Variants in GALC observed in about 807,000 individuals in gnomAD.
GALC encodes the protein galactosylceramidase.
A neutral mutation model predicts 91.8 loss-of-function variants in GALC; 77 were observed. The ratio of observed to expected loss-of-function variants is 0.84; its 90% CI spans 0.70 to 1.01. The LOEUF (loss-of-function observed/expected upper bound fraction) is 1.01, where lower values mean the gene tolerates loss of function less well. GALC is among the 50% of genes least tolerant of loss of function. GALC has a pLI of 0.00. For synonymous variants in GALC, 357 were observed against 306.7 expected, an observed-to-expected ratio of 1.16 and a Z score of -1.71; for missense variants, 882 against 855.9, an observed-to-expected ratio of 1.03 and a Z score of -0.38.
At chr14:87,961,182 T>C (rs902706336) in intron 10 of GALC, among the ~76,000 whole-genome samples, 1 of 152,148 alleles carries the variant, frequency 6.6e-6, no homozygotes, top group South Asian at 2.1e-4. Context: ...AAAGAAGATA[T>C]ACTACTAGCC....
At chr14:87,951,889 T>C (rs751396500) in intron 10 of GALC, among the ~76,000 whole-genome samples, 1 of 151,798 alleles carries the variant, frequency 6.6e-6, no homozygotes, top group Non-Finnish European at 1.5e-5. Context: ...AAGAAAGGAT[T>C]TGAGAGTTCA....
intron 6 of GALC, among the ~76,000 whole-genome samples, chr14:87,979,604 G>A (rs911345714): frequency 2.0e-5 from 3 of 152,060 alleles, no homozygotes; most frequent in African/African-American, 7.2e-5. Flanking sequence ...ATAAAATATA[G>A]CCCTGTCTTA....
intron 3 of GALC, chr14:87,987,610 GA>G (rs1887027980): frequency 6.4e-6 from 1 of 157,124 alleles, no homozygotes; most frequent in Non-Finnish European, 1.4e-5. Context: ...ATCATAGAGA[GA>G]ATTTCTTTTC....
rs370222749 is a variant in GALC, at chr14:87,984,507, G to T, written c.469C>A (p.Leu157Met). 11 of 1,613,962 alleles carry T rather than the reference G, an allele frequency of 6.8e-6. No individual in the cohort carries two copies. Among genetic ancestry groups the T allele is most frequent in the African/African-American group, 1.3e-5 (1 of 74,900 alleles). The change falls in exon 5 of 17, where the codon CTG (leucine) becomes ATG (methionine). Residue 157 changes from leucine to methionine, a missense_variant. Transcript: ENST00000261304. ...TAAGGCCAGTCGAAACCTTTTCCCA[G>T]CCATCCAGGGAATGACCATGGCAAC... ...IGLPWSFPGW[L>M]GKGFDWPYVN...
chr14:87,963,636 C>T (rs17760374), intron 9 of GALC, 125 bp from the exon 10 acceptor site: 18 of 789,112 alleles, frequency 2.3e-5, no homozygotes, highest in Non-Finnish European at 3.5e-5. Context: ...TTCTATTTTG[C>T]AGGAATATAT....
At chr14:87,954,175 C>T in intron 10 of GALC, 1 of 1,589,146 alleles carries the variant, frequency 6.3e-7, no homozygotes, top group Non-Finnish European at 8.6e-7. Flanking sequence ...CAGGTGTCCT[C>T]AAAACATTCC....
intron 16 of GALC, among the ~76,000 whole-genome samples, chr14:87,935,162 C>A (rs1884518303): frequency 6.6e-6 from 1 of 152,016 alleles, no homozygotes; most frequent in Admixed American, 6.6e-5. Context: ...AAATGCAAAA[C>A]TTTTCAGGCA....
chr14:87,957,969 A>G (rs1885628643), intron 10 of GALC, among the ~76,000 whole-genome samples: 1 of 152,188 alleles, frequency 6.6e-6, no homozygotes, highest in Non-Finnish European at 1.5e-5. Flanking sequence ...AATTCCTATC[A>G]AAATACCAAC....
intron 7 of GALC, among the ~76,000 whole-genome samples, chr14:87,972,057 G>A (rs1172471436): frequency 6.6e-6 from 1 of 152,148 alleles, no homozygotes; most frequent in Non-Finnish European, 1.5e-5. Context: ...GGGAGGAATA[G>A]TCTTCCTATG....
Position 87,934,348 on chromosome 14 carries a change from A to AT in GALC, c.*383dup. Reference sequence around the variant, plus strand: ...TCACTTGGACACACGGTCAGCATGCATAAATACATCTCAGTGATGATCAAG... The same window carrying AT: ...TCACTTGGACACACGGTCAGCATGCATTAAATACATCTCAGTGATGATCAAG... On this transcript the variant is annotated 3_prime_UTR_variant, in exon 17 of 17. Coordinates refer to ENST00000261304, the MANE Select transcript of GALC (RefSeq NM_000153.4). 7.9e-7 allele frequency: 1 copy of AT among 1,270,082 alleles called. No homozygotes were observed. The highest frequency in any genetic ancestry group is 1.0e-6 in the Non-Finnish European group (1 of 999,518). 78.7% of individuals were successfully genotyped at this position (1,270,082 alleles called of 1,614,324 possible).
At chr14:87,957,536 T>A (rs374391285) in intron 10 of GALC, among the ~76,000 whole-genome samples, 4 of 152,166 alleles carry the variant, frequency 2.6e-5, no homozygotes, top group East Asian at 3.8e-4. Context: ...CAAATTTATA[T>A]TTTTGAATGC....
rs528695898 is a variant in GALC, at chr14:87,938,888, A to G, written c.1911+1017T>C. On this transcript the variant is annotated intron_variant, in intron 16 of 16. Coordinates refer to ENST00000261304, the MANE Select transcript of GALC (RefSeq NM_000153.4). ...AGAGCATAGTTGTGACGTATGTAAC[A>G]GACAATGGGTTACTATCCAGAATAC... Among the ~76,000 whole-genome samples the G allele has an allele frequency of 1.3e-4, 20 of 152,112 alleles. No individual in the cohort carries two copies. In the South Asian group the frequency reaches 4.1e-3, roughly 31 times the overall value.
chr14:87,953,666 T>C lies in GALC; in HGVS notation c.1162-2918A>G, dbSNP rs1175107847. On this transcript the variant is annotated intron_variant, in intron 10 of 16. Coordinates refer to ENST00000261304, the MANE Select transcript of GALC (RefSeq NM_000153.4). ...GATAAAGTGGGCCAGTCTGAAGCTC[T>C]ATCTAGAGTCCTTCAAGTAGCTAAG... 3.1e-6 allele frequency: 5 copies of C among 1,608,812 alleles called. No homozygotes were observed. The Admixed American group carries it at 6.7e-5, about 22-fold the overall frequency.
intron 8 of GALC, among the ~76,000 whole-genome samples, chr14:87,967,125 T>C (rs1422138540): frequency 3.3e-5 from 5 of 152,146 alleles, no homozygotes; most frequent in Non-Finnish European, 7.4e-5. Context: ...TAAAATGCAT[T>C]AAAAATGATG....
intron 7 of GALC, among the ~76,000 whole-genome samples, chr14:87,973,835 G>C (rs760189589): frequency 6.6e-6 from 1 of 152,248 alleles, no homozygotes; most frequent in African/African-American, 2.4e-5. Flanking sequence ...CAGTGGCACC[G>C]CCCTACCTAT....
intron 5 of GALC, among the ~76,000 whole-genome samples, chr14:87,984,119 T>C (rs1886863341): frequency 7.4e-6 from 1 of 135,248 alleles, no homozygotes; most frequent in Non-Finnish European, 1.5e-5. Flanking sequence ...GAAGGAGAAT[T>C]TGAGTTGGGT....
intron 7 of GALC, among the ~76,000 whole-genome samples, chr14:87,971,424 A>C (rs76675978): frequency 0.11 from 17,198 of 152,202 alleles, 1,144 homozygotes; most frequent in Non-Finnish European, 0.16. Flanking sequence ...CCAATACTGT[A>C]ACAGTTCAAA....
At chr14:87,984,146 A>AC (rs1555383466) in intron 5 of GALC, among the ~76,000 whole-genome samples, 3 of 151,548 alleles carry the variant, frequency 2.0e-5, no homozygotes, top group African/African-American at 4.8e-5. Context: ...AAAAAAAAAA[A>AC]AAAAAAACCC....
intron 5 of GALC, 57 bp from the exon 6 acceptor site, chr14:87,982,300 A>T: frequency 2.6e-6 from 3 of 1,151,424 alleles, no homozygotes; most frequent in Non-Finnish European, 3.9e-6. Context: ...GTCAGAAAGC[A>T]GATTATCGTT....
Sources: gnomAD v4.1 joint callset for allele counts (sites outside exome capture counted in the v4.1 genomes callset) on GRCh38, gnomAD v4.1.1 for gene constraint, MANE v1.5 for transcripts, NCBI Gene and HGNC (gene_info 2026-07-23, HGNC 2026-07-21) for gene names.